Variants in KCNQ1 observed in about 807,000 individuals in gnomAD.
The protein encoded by KCNQ1 is potassium voltage-gated channel subfamily KQT member 1.
KCNQ1 carries 49 observed loss-of-function variants against 72.4 expected under a neutral mutation model. The observed-to-expected ratio is 0.68, with a 90% CI of 0.54 to 0.86. The LOEUF is 0.86. Among genes scored for constraint, KCNQ1 ranks in the 40% least tolerant of loss-of-function variants. KCNQ1 has a pLI of 0.00. For missense variants in KCNQ1, 790 were observed against 945.1 expected (o/e 0.84, Z 2.15); for synonymous variants, 450 against 412.6 (o/e 1.09, Z -1.10).
rs1456443442 is a variant in KCNQ1 at position 2,629,252 on chromosome 11, T to A, written c.1394-32709T>A. On this transcript the variant is annotated intron_variant, in intron 10 of 15. Coordinates refer to ENST00000155840, the MANE Select transcript of KCNQ1 (RefSeq NM_000218.3). ...CCAGATATCTTTCCATTTATTTGTA[T>A]CATCTTAGAATTTGTTCAATGTTTC... 7.5e-6 allele frequency: 3 copies of A among 398,208 alleles called. No individual in the cohort carries two copies. In the East Asian group the frequency reaches 1.1e-4, roughly 14 times the overall value. 24.7% of individuals were successfully genotyped at this position (398,208 alleles called of 1,614,324 possible). A position where few individuals can be genotyped will look rare whatever the true frequency, so the allele number is the denominator to read the frequency against.
intron 11 of KCNQ1, among the ~76,000 whole-genome samples, chr11:2,744,755 T>C (rs1210303121): frequency 6.6e-6 from 1 of 152,220 alleles, no homozygotes; most frequent in African/African-American, 2.4e-5. Flanking sequence ...TTTTCCTACA[T>C]TTTCTTCTGT....
In KCNQ1 at chr11:2,723,427, G is replaced by T. The variant is rs1200974719; in HGVS notation, c.1515-45417G>T. Among the ~76,000 whole-genome samples the T allele has an allele frequency of 1.3e-5, 2 of 152,244 alleles. No homozygotes were observed. The highest frequency in any genetic ancestry group is 1.5e-5 in the Non-Finnish European group (1 of 68,034). ...TGACAATACCCTTCTTGCTGAATGG[G>T]CAGGGAGAGAGGAGCTGTTAGGTGA... On this transcript the variant is annotated intron_variant, in intron 11 of 15. Transcript: ENST00000155840. This position sits in a 1 kb window ranked among gnomAD's most constrained non-coding sequence, Gnocchi z 4.2.
Position 2,671,572 on chromosome 11 carries a change from G to T in KCNQ1, c.1514+9491G>T. The T allele has an allele frequency of 2.5e-6, 1 of 398,610 alleles. No homozygotes were observed. The highest frequency in any genetic ancestry group is 1.3e-4 in the South Asian group (1 of 7,856). 24.7% of individuals were successfully genotyped at this position (398,610 alleles called of 1,614,324 possible). A position where few individuals can be genotyped will look rare whatever the true frequency, so the allele number is the denominator to read the frequency against. On this transcript the variant is annotated intron_variant, in intron 11 of 15. Coordinates refer to ENST00000155840, the MANE Select transcript of KCNQ1 (RefSeq NM_000218.3). This position sits in a 1 kb window ranked among gnomAD's most constrained non-coding sequence, Gnocchi z 4.7. Reference sequence around the variant, plus strand: ...ACTTATCTCCTAAGTCTTTGGCACTGAGCATTTATACAAGATCAGACTGCA... The same window carrying T: ...ACTTATCTCCTAAGTCTTTGGCACTTAGCATTTATACAAGATCAGACTGCA...
At chr11:2,812,665 C>G (rs957019498) in intron 15 of KCNQ1, among the ~76,000 whole-genome samples, 2 of 152,196 alleles carry the variant, frequency 1.3e-5, no homozygotes, top group African/African-American at 4.8e-5. Context: ...ATAAACCAGA[C>G]CACAGCACTG....
chr11:2,843,004 A>G (rs1201354328), intron 15 of KCNQ1, among the ~76,000 whole-genome samples: 1 of 152,180 alleles, frequency 6.6e-6, no homozygotes, highest in East Asian at 1.9e-4. Flanking sequence ...GCTGCGGCAC[A>G]CACACGCCTG....
chr11:2,630,783 CCTT>C, intron 10 of KCNQ1: 1 of 398,418 alleles, frequency 2.5e-6, no homozygotes, highest in Non-Finnish European at 4.4e-6. Context: ...CTGATAAACT[CCTT>C]CAACTTTTGT....
intron 15 of KCNQ1, among the ~76,000 whole-genome samples, chr11:2,835,184 G>A (rs1224764899): frequency 6.6e-6 from 1 of 152,170 alleles, no homozygotes; most frequent in East Asian, 1.9e-4. Flanking sequence ...CTTGAGGTGG[G>A]AATAGCAGTG....
chr11:2,555,440 C>T (rs1156407589), intron 2 of KCNQ1, among the ~76,000 whole-genome samples: 1 of 152,208 alleles, frequency 6.6e-6, no homozygotes, highest in Non-Finnish European at 1.5e-5. Context: ...ACAGCCCTGC[C>T]TGGGGAAGAT....
rs1131692322 is a variant in KCNQ1 at position 2,570,673 on chromosome 11, C to A, written c.523C>A (p.Leu175Ile). The A allele has an allele frequency of 2.5e-6, 4 of 1,612,618 alleles. No individual in the cohort carries two copies. In the Admixed American group the frequency reaches 6.7e-5, roughly 27 times the overall value. The stretch of plus-strand genomic sequence containing the variant: ...CTTCGGGACGGAGTACGTGGTCCGC[C>A]TCTGGTCCGCCGGCTGCCGCAGCAA... ...VFFGTEYVVR[L>I]WSAGCRSKYV... The change falls in exon 3 of 16, where the codon CTC becomes ATC. Residue 175 changes from leucine (L) to isoleucine (I), a missense_variant. Leu to Ile is a conservative substitution (Grantham distance 5). Coordinates refer to ENST00000155840, the MANE Select transcript of KCNQ1 (RefSeq NM_000218.3).
chr11:2,660,830 C>T, intron 10 of KCNQ1: 1 of 398,588 alleles, frequency 2.5e-6, no homozygotes, highest in East Asian at 3.6e-5. Flanking sequence ...AGGACACACC[C>T]TCTCACCCTG....
rs897543229 is a variant in KCNQ1, at chr11:2,658,143, C to G, written c.1394-3818C>G. On this transcript the variant is annotated intron_variant, in intron 10 of 15. Coordinates refer to ENST00000155840, the MANE Select transcript of KCNQ1 (RefSeq NM_000218.3). This position sits in a 1 kb window ranked among gnomAD's most constrained non-coding sequence, Gnocchi z 4.9. Reference sequence around the variant, plus strand: ...ATCTGCAAATATGTTAAAACTACCACAGCAATTAAAATACATTTCAAGGAA... The same window carrying G: ...ATCTGCAAATATGTTAAAACTACCAGAGCAATTAAAATACATTTCAAGGAA... 17 of 398,474 alleles carry G rather than the reference C, an allele frequency of 4.3e-5. No individual in the cohort carries two copies. The highest frequency in any genetic ancestry group is 2.9e-4 in the African/African-American group (14 of 48,628). 24.7% of individuals were successfully genotyped at this position (398,474 alleles called of 1,614,324 possible).
In KCNQ1 at chr11:2,617,030, T is replaced by G; in HGVS notation, c.1393+28176T>G. The G allele has an allele frequency of 2.5e-6, 1 of 398,190 alleles. No individual in the cohort carries two copies. The highest frequency in any genetic ancestry group is 4.4e-6 in the Non-Finnish European group (1 of 225,804). The allele number at this position is 398,190 out of a possible 1,614,324, so 24.7% of individuals were successfully genotyped here. A position where few individuals can be genotyped will look rare whatever the true frequency, so the allele number is the denominator to read the frequency against. ...AAAACATACAGTTAAATCGTTAACA[T>G]AGTGATGCAAATTAATATGTCCATC... On this transcript the variant is annotated intron_variant, in intron 10 of 15. Transcript: ENST00000155840. The surrounding 1 kb of genome is among the most constrained non-coding windows in gnomAD (Gnocchi z 4.6).
intron 11 of KCNQ1, among the ~76,000 whole-genome samples, chr11:2,738,281 G>A (rs1249064545): frequency 2.0e-5 from 3 of 152,066 alleles, no homozygotes; most frequent in Non-Finnish European, 2.9e-5. Flanking sequence ...GGGGCACAGC[G>A]GGTTCCTTGG....
rs151211 is a variant in KCNQ1, at chr11:2,673,137, C to A, written c.1514+11056C>A. 1 of 398,680 alleles carries A rather than the reference C, an allele frequency of 2.5e-6. No individual in the cohort carries two copies. Among genetic ancestry groups the A allele is most frequent in the Non-Finnish European group, 4.4e-6 (1 of 226,132 alleles). The allele number at this position is 398,680 out of a possible 1,614,324, so 24.7% of individuals were successfully genotyped here. A position where few individuals can be genotyped will look rare whatever the true frequency, so the allele number is the denominator to read the frequency against. On this transcript the variant is annotated intron_variant, in intron 11 of 15. Coordinates refer to ENST00000155840, the MANE Select transcript of KCNQ1 (RefSeq NM_000218.3). This position sits in a 1 kb window ranked among gnomAD's most constrained non-coding sequence, Gnocchi z 4.5. ...AGCAGGCAGCATCAGGGCAGGGGTG[C>A]TGACCATCCCTGACCCAAGCACGAG...
At position 2,703,890 on chromosome 11, in the gene KCNQ1, A is replaced by C. The variant is rs1850862736; in HGVS notation, c.1514+41809A>C. On this transcript the variant is annotated intron_variant, in intron 11 of 15. Coordinates refer to ENST00000155840, the MANE Select transcript of KCNQ1 (RefSeq NM_000218.3). The surrounding 1 kb of genome is among the most constrained non-coding windows in gnomAD (Gnocchi z 6.4). ...GTTGCTGCTTCCCTCGGAAGCTGAG[A>C]GGCCCAGGGCCACGTGGCAGCCTCC... 6.6e-6 allele frequency among the ~76,000 whole-genome samples: 1 copy of C among 152,192 alleles called. No individual in the cohort carries two copies. The highest frequency in any genetic ancestry group is 1.5e-5 in the Non-Finnish European group (1 of 68,036).
Position 2,830,862 on chromosome 11 carries a change from C to T in KCNQ1, c.1795-16905C>T, listed in dbSNP as rs1847932913. On this transcript the variant is annotated intron_variant, in intron 15 of 15. Transcript: ENST00000155840. This position sits in a 1 kb window ranked among gnomAD's most constrained non-coding sequence, Gnocchi z 7.7. Reference sequence around the variant, plus strand: ...AGGCTGGCCCAACCCCTCTCTAGGCCTCAGCTTTCCTGTCAGGAAAATGCA... The same window carrying T: ...AGGCTGGCCCAACCCCTCTCTAGGCTTCAGCTTTCCTGTCAGGAAAATGCA... Among the ~76,000 whole-genome samples the T allele has an allele frequency of 6.6e-6, 1 of 152,202 alleles. No individual in the cohort carries two copies. Among genetic ancestry groups the T allele is most frequent in the Non-Finnish European group, 1.5e-5 (1 of 68,024 alleles).
At chr11:2,788,150 T>TCTCCACCCCATGCCCCC (rs1846948011) in intron 15 of KCNQ1, among the ~76,000 whole-genome samples, 1 of 147,888 alleles carries the variant, frequency 6.8e-6, no homozygotes, top group African/African-American at 2.5e-5. Context: ...CCAGCGCCCC[T>TCTCCACCCCATGCCCCC]CTCCACCCCA....
At chr11:2,539,080 G>A (rs949202533) in intron 2 of KCNQ1, among the ~76,000 whole-genome samples, 2 of 152,186 alleles carry the variant, frequency 1.3e-5, no homozygotes, top group African/African-American at 2.4e-5. Context: ...CCGGCCAGGG[G>A]TGGGGCAGCC....
chr11:2,577,516 T>C (rs1236589594), intron 6 of KCNQ1, among the ~76,000 whole-genome samples: 2 of 152,168 alleles, frequency 1.3e-5, no homozygotes, highest in Admixed American at 1.3e-4. Flanking sequence ...CCAGCCCGTG[T>C]GTGGGGCTCC....
Sources: gnomAD v4.1 joint callset for allele counts (sites outside exome capture counted in the v4.1 genomes callset) on GRCh38, gnomAD v4.1.1 for gene constraint, Gnocchi (gnomAD v3.1) non-coding constraint, MANE v1.5 for transcripts, NCBI Gene and HGNC (gene_info 2026-07-23, HGNC 2026-07-21) for gene names.